SYNE2: variants seen among roughly 807,000 people sequenced by gnomAD.
SYNE2 encodes nesprin-2.
Under a neutral mutation model 856.3 loss-of-function variants are expected in SYNE2, and 431 were observed. The ratio of observed to expected loss-of-function variants is 0.50; its 90% CI spans 0.47 to 0.55. The LOEUF is 0.55. Ranked by LOEUF, SYNE2 falls within the 20% of genes least tolerant of loss-of-function variation. SYNE2 has a pLI of 0.00. For synonymous variants in SYNE2, 2,923 were observed against 2,872.3 expected (o/e 1.02, Z -0.56); for missense variants, 8,129 against 8,023.2 (o/e 1.01, Z -0.50).
At chr14:63,812,076 T>C (rs1267725450) in intron 1 of SYNE2, among the ~76,000 whole-genome samples, 1 of 152,034 alleles carries the variant, frequency 6.6e-6, no homozygotes, top group African/African-American at 2.4e-5. Flanking sequence ...TTTACCAGGG[T>C]GGGGTTTCTT....
rs1567647436 is a variant in SYNE2, at chr14:64,208,859, C to CCCACCTGGT, written c.18303_18304insCCACCTGGT (p.Thr6101_Glu6102insProProGly). 2 of 1,614,172 alleles carry CCCACCTGGT rather than the reference C, an allele frequency of 1.2e-6. No homozygotes were observed. ...ACTCCGATGCCTGTGCAAATGAGAC[C>CCCACCTGGT]GAGTGTGACTCGATCCAGCAGACCA... On this transcript the variant is annotated inframe_insertion, in exon 101 of 116. Coordinates refer to ENST00000555002, the MANE Select transcript of SYNE2 (RefSeq NM_182914.3).
At chr14:63,860,264 C>T (rs1893168737) in intron 1 of SYNE2, among the ~76,000 whole-genome samples, 1 of 148,296 alleles carries the variant, frequency 6.7e-6, no homozygotes, top group African/African-American at 2.6e-5. Flanking sequence ...ATTCAGAGCA[C>T]CTGCACTTGG....
intron 1 of SYNE2, among the ~76,000 whole-genome samples, chr14:63,778,622 C>T (rs772937758): frequency 6.6e-6 from 1 of 152,054 alleles, no homozygotes; most frequent in Non-Finnish European, 1.5e-5. Flanking sequence ...TTAAGTGATC[C>T]TCCCACATCA....
rs1294234459 is a variant in SYNE2, at chr14:64,215,810, C to G, written c.19403-438C>G. 5.2e-6 allele frequency: 3 copies of G among 575,194 alleles called. No homozygotes were observed. In the African/African-American group the frequency reaches 5.8e-5, roughly 11 times the overall value. The allele number at this position is 575,194 out of a possible 1,614,324, so 35.6% of individuals were successfully genotyped here. On this transcript the variant is annotated intron_variant, in intron 107 of 115. Transcript: ENST00000555002. The stretch of plus-strand genomic sequence containing the variant: ...AAACCTTCCTTTCCTTGATTTGCAG[C>G]TCTAATCCTCATCCTTAGCCCCATC...
rs984689258 is a variant in SYNE2, at chr14:64,099,038, CTTG to C, written c.12381+221_12381+223del. 2.6e-5 allele frequency: 14 copies of C among 547,898 alleles called. No individual in the cohort carries two copies. The African/African-American group carries it at 2.7e-4, about 10-fold the overall frequency. The allele number at this position is 547,898 out of a possible 1,614,324, so 33.9% of individuals were successfully genotyped here. The stretch of plus-strand genomic sequence containing the variant: ...GTGAGATGAATGTAATTCAGACACT[CTTG>C]TTGGCATACGGGAGAAGGTGAAGAA... On this transcript the variant is annotated intron_variant, in intron 63 of 115. Coordinates refer to ENST00000555002, the MANE Select transcript of SYNE2 (RefSeq NM_182914.3).
Position 64,021,297 on chromosome 14 carries a change from T to A in SYNE2, c.5152-18T>A. ...AAATAATGACTGTTATACAACTTCA[T>A]ATATTTCATGATTTCAGGTCATGGA... On this transcript the variant is annotated intron_variant, in intron 35 of 115. Coordinates refer to ENST00000555002, the MANE Select transcript of SYNE2 (RefSeq NM_182914.3). The A allele has an allele frequency of 6.3e-7, 1 of 1,597,620 alleles. No homozygotes were observed. Among genetic ancestry groups the A allele is most frequent in the Non-Finnish European group, 8.6e-7 (1 of 1,165,026 alleles).
intron 45 of SYNE2, among the ~76,000 whole-genome samples, chr14:64,046,986 C>G (rs576152334): frequency 6.6e-6 from 1 of 152,340 alleles, no homozygotes; most frequent in East Asian, 1.9e-4. Context: ...CAGTTGGCCC[C>G]TTGCCTCGTC....
At chr14:63,818,707 T>A (rs1354125826) in intron 1 of SYNE2, among the ~76,000 whole-genome samples, 18 of 150,094 alleles carry the variant, frequency 1.2e-4, no homozygotes, top group Admixed American at 2.0e-4. Context: ...TTTTCTTTTT[T>A]TTTTTTTTTG....
intron 7 of SYNE2, among the ~76,000 whole-genome samples, chr14:63,951,538 G>C (rs909633735): frequency 1.3e-5 from 2 of 152,150 alleles, no homozygotes; most frequent in African/African-American, 4.8e-5. Flanking sequence ...CCTGACCTCA[G>C]GTGATCTGCC....
At chr14:64,058,892 G>A (rs1010164897) in intron 49 of SYNE2, among the ~76,000 whole-genome samples, 4 of 151,184 alleles carry the variant, frequency 2.6e-5, no homozygotes, top group African/African-American at 7.3e-5. Context: ...TTTTCAAATT[G>A]CTTGTCTTCA....
At position 63,951,598 on chromosome 14, in the gene SYNE2, C is replaced by T. The variant is rs141377901; in HGVS notation, c.590+1592C>T. On this transcript the variant is annotated intron_variant, in intron 7 of 115. Transcript: ENST00000555002. ...GATTACAGGGGTGAGCCGCTGCTCCCGGCCCAGCCTTACTTTTCTTTAATT... is the reference window on the plus strand; with the variant it reads ...GATTACAGGGGTGAGCCGCTGCTCCTGGCCCAGCCTTACTTTTCTTTAATT... 9.3e-3 allele frequency among the ~76,000 whole-genome samples: 1,415 copies of T among 152,244 alleles called. 15 individuals carry two copies. The highest frequency in any genetic ancestry group is 0.055 in the South Asian group (264 of 4,820).
intron 42 of SYNE2, 24 bp from the exon 43 acceptor site, chr14:64,027,460 T>C (rs1411600748): frequency 6.7e-7 from 1 of 1,487,350 alleles, no homozygotes; most frequent in Non-Finnish European, 9.2e-7. Context: ...TCATTTAATT[T>C]ATAAAATATT....
intron 65 of SYNE2, among the ~76,000 whole-genome samples, chr14:64,112,630 T>C (rs936224164): frequency 3.3e-5 from 5 of 152,242 alleles, no homozygotes; most frequent in African/African-American, 1.2e-4. Context: ...ACACTTTCTT[T>C]ATACTGTGAG....
At position 64,140,024 on chromosome 14, in the gene SYNE2, A is replaced by G. The variant is rs148883036; in HGVS notation, c.14927A>G (p.Asn4976Ser). 1.1e-5 allele frequency: 18 copies of G among 1,613,914 alleles called. No individual in the cohort carries two copies. Among genetic ancestry groups the G allele is most frequent in the Non-Finnish European group, 1.4e-5 (17 of 1,179,984 alleles). ...TLNYWKEQSL[N>S]VSQDLDTIRS... ...AATTACTGGAAAGAACAGTCCCTCA[A>G]TGTGTCTCAGGACTTGGATACAATC... The change falls in exon 80 of 116, where the codon AAT becomes AGT. Residue 4976 changes from asparagine to serine, a missense_variant. By Grantham distance (46) the Asn-to-Ser change is conservative (BLOSUM62 1). This residue lies in a region of SYNE2 where 5,410 missense variants were observed against 5,284.8 expected (regional missense o/e 1.02). Coordinates refer to ENST00000555002, the MANE Select transcript of SYNE2 (RefSeq NM_182914.3).
chr14:63,974,890 G>GTATATATATATATATA (rs1281921502), intron 11 of SYNE2, among the ~76,000 whole-genome samples: 287 of 27,390 alleles, frequency 0.01, 5 homozygotes, highest in Middle Eastern at 0.028. Flanking sequence ...GTGTGTGTGT[G>GTATATATATATATATA]TGTATATATA....
At chr14:63,885,771 GT>G (rs1189486110) in intron 1 of SYNE2, among the ~76,000 whole-genome samples, 1 of 152,118 alleles carries the variant, frequency 6.6e-6, no homozygotes, top group Non-Finnish European at 1.5e-5. Flanking sequence ...AGATGTTGAG[GT>G]AGTTATGCTG....
intron 99 of SYNE2, among the ~76,000 whole-genome samples, chr14:64,199,952 G>T (rs2098554990): frequency 6.6e-6 from 1 of 152,034 alleles, no homozygotes; most frequent in Non-Finnish European, 1.5e-5. Flanking sequence ...CACAGCCCTG[G>T]GGAAACCAAG....
At chr14:63,889,816 G>A (rs1261017816) in intron 1 of SYNE2, among the ~76,000 whole-genome samples, 1 of 152,048 alleles carries the variant, frequency 6.6e-6, no homozygotes, top group Non-Finnish European at 1.5e-5. Flanking sequence ...CATGACATGA[G>A]AGTCTTCAGA....
intron 99 of SYNE2, among the ~76,000 whole-genome samples, chr14:64,199,168 G>GTA (rs1237638399): frequency 6.6e-6 from 1 of 152,194 alleles, no homozygotes; most frequent in Non-Finnish European, 1.5e-5. Flanking sequence ...CTACCCCTCA[G>GTA]TGTATCCTGA....
Sources: allele counts gnomAD v4.1 joint callset (sites outside exome capture counted in the v4.1 genomes callset), GRCh38; gene constraint gnomAD v4.1.1; regional missense constraint gnomAD v4.1.1; transcripts MANE v1.5; gene names NCBI Gene and HGNC (gene_info 2026-07-23, HGNC 2026-07-21).